PCDHGB6: variants seen among roughly 807,000 people sequenced by gnomAD.
PCDHGB6 encodes the protein protocadherin gamma-B6.
A neutral mutation model predicts 59.1 loss-of-function variants in PCDHGB6; 51 were observed. The ratio of observed to expected loss-of-function variants is 0.86; its 90% CI spans 0.69 to 1.09. PCDHGB6 has a LOEUF of 1.09. Ranked by LOEUF, PCDHGB6 falls within the 50% of genes least tolerant of loss-of-function variation. The pLI, the probability that PCDHGB6 is intolerant of heterozygous loss-of-function variation, is 0.00. For synonymous variants in PCDHGB6, 466 were observed against 495.1 expected (o/e 0.94, Z 0.78); for missense variants, 1,148 against 1,205.1 (o/e 0.95, Z 0.70).
chr5:141,464,271 A>AT (rs1336006891), intron 1 of PCDHGB6, among the ~76,000 whole-genome samples: 1 of 136,538 alleles, frequency 7.3e-6, no homozygotes, highest in Non-Finnish European at 1.5e-5. Flanking sequence ...TCTAAAAAAA[A>AT]AAAAAAGCAA....
chr5:141,512,917 T>C lies in PCDHGB6; in HGVS notation c.*1744T>C, dbSNP rs543880225. On this transcript the variant is annotated 3_prime_UTR_variant, in exon 4 of 4. Transcript: ENST00000520790. ...TGTGTCTCACGCAAGTTTTATACTCTAATATTTATATGGCTTTTTTTCTTC... is the reference window on the plus strand; with the variant it reads ...TGTGTCTCACGCAAGTTTTATACTCCAATATTTATATGGCTTTTTTTCTTC... The C allele has an allele frequency of 1.3e-5, 2 of 152,378 alleles. No individual in the cohort carries two copies. Among genetic ancestry groups the C allele is most frequent in the African/African-American group, 2.4e-5 (1 of 41,588 alleles). The allele number at this position is 152,378 out of a possible 1,614,324, so 9.4% of individuals were successfully genotyped here.
intron 1 of PCDHGB6, among the ~76,000 whole-genome samples, chr5:141,468,962 C>T (rs2099187487): frequency 6.7e-6 from 1 of 148,782 alleles, no homozygotes; most frequent in Non-Finnish European, 1.5e-5. Context: ...GTTTTTTTTA[C>T]CTTAGGCTTT....
At chr5:141,434,763 C>T (rs2097714876) in intron 1 of PCDHGB6, among the ~76,000 whole-genome samples, 1 of 151,296 alleles carries the variant, frequency 6.6e-6, no homozygotes, top group South Asian at 2.1e-4. Flanking sequence ...TTCCCCACTT[C>T]ACACTTCTAA....
chr5:141,511,537 A>C lies in PCDHGB6; in HGVS notation c.*364A>C. 6.3e-6 allele frequency: 2 copies of C among 319,254 alleles called. No individual in the cohort carries two copies. The highest frequency in any genetic ancestry group is 6.7e-5 in the South Asian group (2 of 29,854). 19.8% of individuals were successfully genotyped at this position (319,254 alleles called of 1,614,324 possible). A position where few individuals can be genotyped will look rare whatever the true frequency, so the allele number is the denominator to read the frequency against. On this transcript the variant is annotated 3_prime_UTR_variant, in exon 4 of 4. Transcript: ENST00000520790. ...TCCATCCCATGCCTCCCTCCTCCCC[A>C]CCCCACTCCAACAGTTCCTCTTTCC... is the stretch of plus-strand genomic sequence containing the variant.
rs2099642802 is a variant in PCDHGB6, at chr5:141,487,311, CTAAG to C, written c.2419-7494_2419-7491del. The C allele has an allele frequency of 1.2e-6, 2 of 1,614,058 alleles. No individual in the cohort carries two copies. On this transcript the variant is annotated intron_variant, in intron 1 of 3. Coordinates refer to ENST00000520790, the MANE Select transcript of PCDHGB6 (RefSeq NM_018926.3). This position sits in a 1 kb window ranked among gnomAD's most constrained non-coding sequence, Gnocchi z 5.0. ...TTTGGCTCATTCGTGGCACTACTCTCTAAGTGTCTTCGTGGGGCAGCCTGTGGAG... is the reference window on the plus strand; with the variant it reads ...TTTGGCTCATTCGTGGCACTACTCTCTGTCTTCGTGGGGCAGCCTGTGGAG...
chr5:141,419,569 C>T (rs1200109635), intron 1 of PCDHGB6: 3 of 1,611,654 alleles, frequency 1.9e-6, no homozygotes, highest in East Asian at 2.2e-5. Context: ...TGGGTCCCGA[C>T]GGCTCCGCGC....
In PCDHGB6 at chr5:141,490,242, T is replaced by G. The variant is rs2099697678; in HGVS notation, c.2419-4565T>G. 6.2e-7 allele frequency: 1 copy of G among 1,614,194 alleles called. No individual in the cohort carries two copies. The highest frequency in any genetic ancestry group is 8.5e-7 in the Non-Finnish European group (1 of 1,180,028). ...GACAGCCTGCCATGGAGGGCCACTG[T>G]GTGATTCAAGTGGATGTGGGGGATG... On this transcript the variant is annotated intron_variant, in intron 1 of 3. Transcript: ENST00000520790. The surrounding 1 kb of genome is among the most constrained non-coding windows in gnomAD (Gnocchi z 5.4).
intron 1 of PCDHGB6, among the ~76,000 whole-genome samples, chr5:141,437,026 A>G (rs1398960659): frequency 6.6e-6 from 1 of 152,258 alleles, no homozygotes; most frequent in Non-Finnish European, 1.5e-5. Context: ...TCACCAGAAA[A>G]TGGATCACCG....
At chr5:141,435,067 T>C (rs1381741674) in intron 1 of PCDHGB6, among the ~76,000 whole-genome samples, 1 of 152,168 alleles carries the variant, frequency 6.6e-6, no homozygotes, top group African/African-American at 2.4e-5. Flanking sequence ...CAGTTTTGTG[T>C]AGACCGTCTG....
intron 1 of PCDHGB6, among the ~76,000 whole-genome samples, chr5:141,450,894 G>C (rs919860611): frequency 6.7e-6 from 1 of 148,956 alleles, no homozygotes; most frequent in Admixed American, 6.7e-5. Context: ...GTGCGATATC[G>C]GCTCACTGCA....
Position 141,493,554 on chromosome 5 carries a change from G to A in PCDHGB6, c.2419-1253G>A, listed in dbSNP as rs2099748882. The stretch of plus-strand genomic sequence containing the variant: ...GGCCAGTTATCCTTTTGGAGATTGA[G>A]TTCCCCCAGCTCCGTTTCCTCCTAT... On this transcript the variant is annotated intron_variant, in intron 1 of 3. Coordinates refer to ENST00000520790, the MANE Select transcript of PCDHGB6 (RefSeq NM_018926.3). The surrounding 1 kb of genome is among the most constrained non-coding windows in gnomAD (Gnocchi z 4.3). 6.6e-6 allele frequency among the ~76,000 whole-genome samples: 1 copy of A among 152,166 alleles called. No homozygotes were observed. Among genetic ancestry groups the A allele is most frequent in the Admixed American group, 6.5e-5 (1 of 15,282 alleles).
At position 141,410,559 on chromosome 5, in the gene PCDHGB6, G is replaced by A. The variant is rs1239897819; in HGVS notation, c.2357G>A (p.Gly786Glu). 9.9e-6 allele frequency: 16 copies of A among 1,612,722 alleles called. No individual in the cohort carries two copies. Among genetic ancestry groups the A allele is most frequent in the African/African-American group, 5.3e-5 (4 of 74,894 alleles). The change falls in exon 1 of 4, where the codon GGA becomes GAA. Residue 786 changes from glycine to glutamate, a missense_variant. Around this residue, in one of 5 missense-constraint regions of PCDHGB6, gnomAD observed 283 missense variants for 318.6 expected, o/e 0.89. Transcript: ENST00000520790. The part of the protein sequence containing the change: ...NEDMVCSVSP[G>E]ALIPPHGGED... ...GACATGGTTTGCAGTGTTTCTCCTG[G>A]AGCCTTAATTCCACCTCATGGTGGG...
rs1000935525 is a variant in PCDHGB6 at position 141,512,962 on chromosome 5, G to A, written c.*1789G>A. The A allele has an allele frequency of 1.3e-5, 2 of 152,030 alleles. No individual in the cohort carries two copies. The highest frequency in any genetic ancestry group is 4.8e-5 in the African/African-American group (2 of 41,366). The allele number at this position is 152,030 out of a possible 1,614,324, so 9.4% of individuals were successfully genotyped here. ...TTCTTCGACAAAAAAATAATAAAACGTTTCTTCTGAAAAGCTGAACGTTTC... is the reference window on the plus strand; with the variant it reads ...TTCTTCGACAAAAAAATAATAAAACATTTCTTCTGAAAAGCTGAACGTTTC... On this transcript the variant is annotated 3_prime_UTR_variant, in exon 4 of 4. Transcript: ENST00000520790.
At chr5:141,446,128 G>T (rs1242643475) in intron 1 of PCDHGB6, among the ~76,000 whole-genome samples, 1 of 152,188 alleles carries the variant, frequency 6.6e-6, no homozygotes, top group Admixed American at 6.5e-5. Context: ...GGTTCAATAA[G>T]ACTTAATAAT....
chr5:141,450,264 C>T (rs1395960399), intron 1 of PCDHGB6, among the ~76,000 whole-genome samples: 1 of 152,112 alleles, frequency 6.6e-6, no homozygotes, highest in Non-Finnish European at 1.5e-5. Flanking sequence ...GTGATCTGCC[C>T]ACCTCAGCTA....
At position 141,486,616 on chromosome 5, in the gene PCDHGB6, C is replaced by T. The variant is rs759167270; in HGVS notation, c.2419-8191C>T. On this transcript the variant is annotated intron_variant, in intron 1 of 3. Coordinates refer to ENST00000520790, the MANE Select transcript of PCDHGB6 (RefSeq NM_018926.3). The surrounding 1 kb of genome is among the most constrained non-coding windows in gnomAD (Gnocchi z 5.0). ...TGCTTTGCTCCCTTGCAGCCTCTGA[C>T]CCAGACTCTGGCTTGAATGCGCTTA... is the stretch of plus-strand genomic sequence containing the variant. 2 of 1,613,500 alleles carry T rather than the reference C, an allele frequency of 1.2e-6. No individual in the cohort carries two copies. The highest frequency in any genetic ancestry group is 3.3e-5 in the Admixed American group (2 of 60,004).
In PCDHGB6 at chr5:141,476,149, A is replaced by T. The variant is rs1042362185; in HGVS notation, c.2419-18658A>T. The stretch of plus-strand genomic sequence containing the variant: ...CAGAGGCCTGGAGGAGCGGACTGGT[A>T]AGCACCGGGAGGGTAGTGGGAGTTT... On this transcript the variant is annotated intron_variant, in intron 1 of 3. Transcript: ENST00000520790. This position sits in a 1 kb window ranked among gnomAD's most constrained non-coding sequence, Gnocchi z 7.6. 4 of 1,611,688 alleles carry T rather than the reference A, an allele frequency of 2.5e-6. No individual in the cohort carries two copies. In the African/African-American group the frequency reaches 5.3e-5, roughly 22 times the overall value.
Position 141,491,349 on chromosome 5 carries a change from C to G in PCDHGB6, c.2419-3458C>G. 6.2e-7 allele frequency: 1 copy of G among 1,614,168 alleles called. No individual in the cohort carries two copies. Among genetic ancestry groups the G allele is most frequent in the Non-Finnish European group, 8.5e-7 (1 of 1,180,016 alleles). ...TTGTGGCTCTAGCGACCGTCAGTCT[C>G]TTATCCCTAGTCACCTTCACCTTTC... is the stretch of plus-strand genomic sequence containing the variant. On this transcript the variant is annotated intron_variant, in intron 1 of 3. Transcript: ENST00000520790. The surrounding 1 kb of genome is among the most constrained non-coding windows in gnomAD (Gnocchi z 6.9).
rs2095830931 is a variant in PCDHGB6 at position 141,415,116 on chromosome 5, A to G, written c.2418+4496A>G. 3 of 1,613,652 alleles carry G rather than the reference A, an allele frequency of 1.9e-6. No individual in the cohort carries two copies. The East Asian group carries it at 6.7e-5, about 36-fold the overall frequency. On this transcript the variant is annotated intron_variant, in intron 1 of 3. Transcript: ENST00000520790. The stretch of plus-strand genomic sequence containing the variant: ...GAGACGCGCTCAAGCAAAGCCTCGT[A>G]GTGGCCGTCCAGGACCACGGCCAGC...
Sources: gnomAD v4.1 joint callset for allele counts (sites outside exome capture counted in the v4.1 genomes callset) on GRCh38, gnomAD v4.1.1 for gene constraint, gnomAD v4.1.1 regional missense constraint, Gnocchi (gnomAD v3.1) non-coding constraint, MANE v1.5 for transcripts, NCBI Gene and HGNC (gene_info 2026-07-23, HGNC 2026-07-21) for gene names.